SNTG2: variants seen among roughly 807,000 people sequenced by gnomAD.
SNTG2 encodes the protein gamma-2-syntrophin.
In SNTG2, 74 loss-of-function variants were observed where a neutral mutation model predicts 70.9. The observed-to-expected ratio is 1.04, with a 90% CI of 0.86 to 1.27. SNTG2 has a LOEUF of 1.27. Among genes scored for constraint, SNTG2 ranks in the 50% most tolerant of loss-of-function variants. The pLI, the probability that SNTG2 is intolerant of heterozygous loss-of-function variation, is 0.00. For synonymous variants in SNTG2, 278 were observed against 273.8 expected (o/e 1.02, Z -0.15); for missense variants, 717 against 690.7 (o/e 1.04, Z -0.43).
intron 1 of SNTG2, among the ~76,000 whole-genome samples, chr2:1,062,901 C>T (rs1662915692): frequency 6.6e-6 from 1 of 152,284 alleles, no homozygotes; most frequent in Admixed American, 6.5e-5. Flanking sequence ...TACATATACA[C>T]ACATATACAT....
intron 16 of SNTG2, among the ~76,000 whole-genome samples, chr2:1,327,939 A>G (rs1286764952): frequency 6.6e-6 from 1 of 152,202 alleles, no homozygotes; most frequent in African/African-American, 2.4e-5. Flanking sequence ...TACTTAGTTT[A>G]TGCTTCTGCA....
rs145425240 is a variant in SNTG2, at chr2:1,294,578, A to C, written c.1285-13916A>C. Among the ~76,000 whole-genome samples, 1,422 of 152,340 alleles carry C rather than the reference A, an allele frequency of 9.3e-3. 12 individuals are homozygous for C. The highest frequency in any genetic ancestry group is 0.014 in the Non-Finnish European group (924 of 68,032). On this transcript the variant is annotated intron_variant, in intron 14 of 16. Coordinates refer to ENST00000308624, the MANE Select transcript of SNTG2 (RefSeq NM_018968.4). ...ACTGGTTAAGATTAAAGAAATCTCC[A>C]ATCAGAAATGCAGAAAGGAACTCAC... is the stretch of plus-strand genomic sequence containing the variant.
intron 1 of SNTG2, among the ~76,000 whole-genome samples, chr2:998,885 C>A (rs1397891332): frequency 2.0e-5 from 3 of 151,976 alleles, no homozygotes; most frequent in African/African-American, 7.2e-5. Context: ...ATCATCAAGA[C>A]AAAAGCATCT....
intron 11 of SNTG2, among the ~76,000 whole-genome samples, chr2:1,242,011 C>T (rs28485302): frequency 0.22 from 33,772 of 152,118 alleles, 5,973 homozygotes; most frequent in African/African-American, 0.49. Context: ...TTTTTACAAC[C>T]TTAAAAGTCC....
chr2:1,261,325 T>G (rs182654187), intron 13 of SNTG2, among the ~76,000 whole-genome samples: 4 of 152,350 alleles, frequency 2.6e-5, no homozygotes, highest in Admixed American at 2.6e-4. Flanking sequence ...TCATAAGAAC[T>G]AATACTTTTT....
At chr2:1,069,813 C>A (rs1331242095) in intron 1 of SNTG2, among the ~76,000 whole-genome samples, 1 of 151,910 alleles carries the variant, frequency 6.6e-6, no homozygotes, top group African/African-American at 2.4e-5. Flanking sequence ...AAATACAAAA[C>A]AAAACAAAAC....
intron 1 of SNTG2, among the ~76,000 whole-genome samples, chr2:1,014,770 A>G (rs577061770): frequency 4.1e-4 from 62 of 150,796 alleles, no homozygotes; most frequent in Non-Finnish European, 2.1e-4. Flanking sequence ...AGAAGGATTT[A>G]TAAGAGCAGA....
chr2:1,068,415 C>G (rs1380642308), intron 1 of SNTG2: 1 of 152,122 alleles, frequency 6.6e-6, no homozygotes, highest in Non-Finnish European at 1.5e-5. Flanking sequence ...GAGATGGTAA[C>G]AGTGGAATGG....
chr2:1,088,925 T>C (rs59201386), intron 2 of SNTG2, among the ~76,000 whole-genome samples: 1,530 of 152,346 alleles, frequency 0.01, 24 homozygotes, highest in African/African-American at 0.034. Context: ...GAGGATGGCA[T>C]GGCGAGGCAG....
intron 12 of SNTG2, among the ~76,000 whole-genome samples, chr2:1,255,899 T>C (rs1201801657): frequency 4.1e-5 from 4 of 96,852 alleles, no homozygotes; most frequent in African/African-American, 1.9e-4. Flanking sequence ...TATATAAATA[T>C]ATATATAAAT....
chr2:1,287,252 C>T (rs1679801636), intron 14 of SNTG2, among the ~76,000 whole-genome samples: 1 of 152,166 alleles, frequency 6.6e-6, no homozygotes, highest in Non-Finnish European at 1.5e-5. Flanking sequence ...AACTTTTGAA[C>T]AATTTAATTT....
chr2:960,649 G>A (rs1660317287), intron 1 of SNTG2, among the ~76,000 whole-genome samples: 2 of 150,322 alleles, frequency 1.3e-5, no homozygotes, highest in Non-Finnish European at 3.0e-5. Flanking sequence ...TGTAGGTTCT[G>A]AAGGGGGTGC....
chr2:974,469 G>A (rs868172343), intron 1 of SNTG2, among the ~76,000 whole-genome samples: 5 of 152,288 alleles, frequency 3.3e-5, no homozygotes, highest in South Asian at 2.1e-4. Context: ...TGGGGTGAGC[G>A]TTAGGGCATC....
intron 16 of SNTG2, among the ~76,000 whole-genome samples, chr2:1,348,720 C>T (rs935918114): frequency 3.9e-5 from 6 of 152,140 alleles, no homozygotes; most frequent in African/African-American, 1.2e-4. Flanking sequence ...TAGGACCTCC[C>T]GAGGGCGGTG....
chr2:1,244,477 A>T (rs28671706), intron 11 of SNTG2, among the ~76,000 whole-genome samples: 1,939 of 152,202 alleles, frequency 0.013, 37 homozygotes, highest in African/African-American at 0.044. Flanking sequence ...CTGGCGGATC[A>T]CGAGGGCAGG....
chr2:1,135,031 C>A (rs568898590), intron 4 of SNTG2, among the ~76,000 whole-genome samples: 1 of 152,178 alleles, frequency 6.6e-6, no homozygotes, highest in East Asian at 1.9e-4. Flanking sequence ...AAACCCCAGG[C>A]CCTGCAAAAA....
chr2:1,118,262 G>A (rs576347555), intron 4 of SNTG2, among the ~76,000 whole-genome samples: 1 of 152,202 alleles, frequency 6.6e-6, no homozygotes, highest in African/African-American at 2.4e-5. Flanking sequence ...ACCCTGCGCT[G>A]AGAAAGATCC....
intron 1 of SNTG2, among the ~76,000 whole-genome samples, chr2:1,041,562 G>T (rs1661438280): frequency 6.6e-6 from 1 of 152,150 alleles, no homozygotes. Flanking sequence ...ATTCTTCGTG[G>T]CTTGGTGCTG....
intron 6 of SNTG2, among the ~76,000 whole-genome samples, chr2:1,150,163 G>T (rs28501164): frequency 0.94 from 142,498 of 152,132 alleles, 66,863 homozygotes; most frequent in Non-Finnish European, 0.97. Flanking sequence ...TAAAATGCAG[G>T]GATCTTGGGA....
Sources: gnomAD v4.1 joint callset for allele counts (sites outside exome capture counted in the v4.1 genomes callset) on GRCh38, gnomAD v4.1.1 for gene constraint, MANE v1.5 for transcripts, NCBI Gene and HGNC (gene_info 2026-07-23, HGNC 2026-07-21) for gene names.